The following ELMO1 variants were observed in gnomAD, a reference collection of about 807,000 sequenced individuals.
ELMO1 encodes the protein engulfment and cell motility 1, also known as engulfment and cell motility protein 1.
A neutral mutation model predicts 98.9 loss-of-function variants in ELMO1; 26 were observed. That is an observed-to-expected ratio of 0.26 (90% CI 0.19 to 0.36). The LOEUF is 0.36. Ranked by LOEUF, ELMO1 falls within the 10% of genes least tolerant of loss-of-function variation. The pLI is 1.00. For missense variants in ELMO1, 627 were observed against 935.2 expected, an observed-to-expected ratio of 0.67 and a Z score of 4.30; for synonymous variants, 346 against 346.0, an observed-to-expected ratio of 1.00 and a Z score of 0.00.
chr7:37,192,563 C>A (rs1385357819), intron 13 of ELMO1, among the ~76,000 whole-genome samples: 2 of 150,102 alleles, frequency 1.3e-5, no homozygotes, highest in Admixed American at 6.7e-5. Context: ...ATTTGGGAGG[C>A]CAAGGCAGGC....
chr7:37,379,948 C>T (rs747213710), intron 1 of ELMO1, among the ~76,000 whole-genome samples: 2 of 152,172 alleles, frequency 1.3e-5, no homozygotes, highest in African/African-American at 2.4e-5. Context: ...TTTTCCACCT[C>T]GTTTTAATTC....
intron 16 of ELMO1, among the ~76,000 whole-genome samples, chr7:36,982,872 A>G (rs1380827900): frequency 6.6e-6 from 1 of 152,128 alleles, no homozygotes; most frequent in Admixed American, 6.5e-5. Flanking sequence ...GGATTCACAC[A>G]CCCATCCAGC....
intron 18 of ELMO1, among the ~76,000 whole-genome samples, chr7:36,884,605 T>A (rs745340169): frequency 2.0e-5 from 3 of 152,202 alleles, no homozygotes; most frequent in Non-Finnish European, 4.4e-5. Flanking sequence ...CTCCCAGTCC[T>A]AATGTGGTTA....
chr7:37,035,801 C>CT (rs1314819074), intron 15 of ELMO1, among the ~76,000 whole-genome samples: 1 of 152,160 alleles, frequency 6.6e-6, no homozygotes, highest in African/African-American at 2.4e-5. Context: ...AGAGAGAAAA[C>CT]TTTATCTGGA....
At chr7:37,041,210 T>C (rs572099274) in intron 15 of ELMO1, among the ~76,000 whole-genome samples, 11 of 152,244 alleles carry the variant, frequency 7.2e-5, no homozygotes, top group Non-Finnish European at 1.6e-4. Flanking sequence ...AAAACGACTC[T>C]CGTGCTACAT....
chr7:37,167,440 T>G (rs1289267848), intron 13 of ELMO1, among the ~76,000 whole-genome samples: 3 of 151,802 alleles, frequency 2.0e-5, no homozygotes, highest in African/African-American at 4.8e-5. Context: ...GTCTCAATGG[T>G]CTTTACATTT....
intron 15 of ELMO1, among the ~76,000 whole-genome samples, chr7:37,020,647 T>A (rs1794212188): frequency 6.6e-6 from 1 of 152,122 alleles, no homozygotes; most frequent in African/African-American, 2.4e-5. Flanking sequence ...CCATCCTTTC[T>A]ATGACCTTGG....
At chr7:37,069,793 T>C (rs537932931) in intron 15 of ELMO1, among the ~76,000 whole-genome samples, 48 of 152,324 alleles carry the variant, frequency 3.2e-4, no homozygotes, top group African/African-American at 1.1e-3. Context: ...TGGAAGAATT[T>C]TATAACTAAA....
At chr7:37,295,106 AT>A (rs1797965597) in intron 4 of ELMO1, among the ~76,000 whole-genome samples, 1 of 152,354 alleles carries the variant, frequency 6.6e-6, no homozygotes, top group Admixed American at 6.5e-5. Flanking sequence ...ACATAAAACA[AT>A]TCTTGATATT....
At chr7:37,022,756 C>T (rs779049691) in intron 15 of ELMO1, among the ~76,000 whole-genome samples, 14 of 152,170 alleles carry the variant, frequency 9.2e-5, no homozygotes, top group South Asian at 4.1e-4. Context: ...TGCATACATA[C>T]GCATTCCAAG....
chr7:37,161,203 G>T (rs910436584), intron 13 of ELMO1, among the ~76,000 whole-genome samples: 3 of 152,000 alleles, frequency 2.0e-5, no homozygotes, highest in African/African-American at 7.3e-5. Context: ...AGAAATCCTG[G>T]TTCTTACACC....
chr7:37,204,823 C>T (rs985502292), intron 13 of ELMO1, among the ~76,000 whole-genome samples: 12 of 151,902 alleles, frequency 7.9e-5, no homozygotes, highest in East Asian at 1.9e-4. Context: ...GTCCCCCACC[C>T]GATTAGCTAG....
rs567772925 is a variant in ELMO1 at position 36,870,808 on chromosome 7, T to C, written c.1823-333A>G. Among the ~76,000 whole-genome samples, 29 of 152,342 alleles carry C rather than the reference T, an allele frequency of 1.9e-4. No individual in the cohort carries two copies. The highest frequency in any genetic ancestry group is 6.3e-4 in the African/African-American group (26 of 41,566). ...GAAGCAGCAGTAGAAATAACAGTGA[T>C]TGTAATAACAACAGTGATACTCATA... On this transcript the variant is annotated intron_variant, in intron 19 of 21. Coordinates refer to ENST00000310758, the MANE Select transcript of ELMO1 (RefSeq NM_014800.11). This position sits in a 1 kb window ranked among gnomAD's most constrained non-coding sequence, Gnocchi z 4.4.
intron 4 of ELMO1, among the ~76,000 whole-genome samples, chr7:37,278,113 CTTTT>C (rs36110041): frequency 3.3e-4 from 28 of 85,592 alleles, no homozygotes; most frequent in Middle Eastern, 0.012. Flanking sequence ...ATAGCTTTTC[CTTTT>C]TTTTTTTTTT....
chr7:36,939,011 G>C (rs964053696), intron 16 of ELMO1, among the ~76,000 whole-genome samples: 1 of 151,966 alleles, frequency 6.6e-6, no homozygotes, highest in African/African-American at 2.4e-5. Context: ...CTGGGTGACA[G>C]AGCAAGACCT....
intron 1 of ELMO1, among the ~76,000 whole-genome samples, chr7:37,373,946 T>C (rs1474921942): frequency 2.0e-5 from 3 of 152,236 alleles, no homozygotes; most frequent in East Asian, 3.8e-4. Context: ...TAAAGATATA[T>C]TGAAGTCATC....
intron 4 of ELMO1, among the ~76,000 whole-genome samples, chr7:37,314,227 G>A (rs908107786): frequency 7.9e-5 from 12 of 152,192 alleles, no homozygotes; most frequent in African/African-American, 2.9e-4. Flanking sequence ...CAGATGTAAT[G>A]TGCATGGCTC....
chr7:37,203,320 T>G (rs1486904484), intron 13 of ELMO1, among the ~76,000 whole-genome samples: 4 of 152,194 alleles, frequency 2.6e-5, no homozygotes. Flanking sequence ...AAAGATGTTA[T>G]GCCCGAAAAA....
intron 15 of ELMO1, among the ~76,000 whole-genome samples, chr7:37,089,935 C>T (rs950967657): frequency 1.3e-5 from 2 of 152,160 alleles, no homozygotes; most frequent in Admixed American, 1.3e-4. Context: ...CAGTCCCATT[C>T]CCTGTCCATG....
Sources: gnomAD v4.1 joint callset for allele counts (sites outside exome capture counted in the v4.1 genomes callset) on GRCh38, gnomAD v4.1.1 for gene constraint, Gnocchi (gnomAD v3.1) non-coding constraint, MANE v1.5 for transcripts, NCBI Gene and HGNC (gene_info 2026-07-23, HGNC 2026-07-21) for gene names.